Variants in HYDIN observed in about 807,000 individuals in gnomAD.
HYDIN encodes axonemal central pair apparatus protein HYDIN.
HYDIN carries 132 observed loss-of-function variants against 403.9 expected under a neutral mutation model. The ratio of observed to expected loss-of-function variants is 0.33; its 90% CI spans 0.28 to 0.38. The LOEUF is 0.38. HYDIN is among the 10% of genes least tolerant of loss of function. The pLI, the probability that HYDIN is intolerant of heterozygous loss-of-function variation, is 1.00. For synonymous variants in HYDIN, 1,202 were observed against 1,891.7 expected (o/e 0.64, Z 9.46); for missense variants, 2,827 against 5,009.5 (o/e 0.56, Z 13.15).
intron 83 of HYDIN, among the ~76,000 whole-genome samples, chr16:70,822,743 C>A (rs1349852797): frequency 6.6e-6 from 1 of 152,186 alleles, no homozygotes; most frequent in Non-Finnish European, 1.5e-5. Flanking sequence ...CGAGGCAAGA[C>A]CCTCCACCAG....
intron 83 of HYDIN, among the ~76,000 whole-genome samples, chr16:70,822,718 A>ATCAACATCGAG: frequency 6.6e-6 from 1 of 152,266 alleles, no homozygotes; most frequent in South Asian, 2.1e-4. Context: ...CTCATCAGTC[A>ATCAACATCGAG]GCAGCCATCA....
chr16:70,866,177 T>G lies in HYDIN; in HGVS notation c.11463A>C (p.Arg3821=), dbSNP rs374073980. The change falls in exon 67 of 86, where the codon CGA becomes CGC. Residue 3821 remains arginine (R), a synonymous_variant. Transcript: ENST00000393567. The part of the protein sequence containing the change: ...RFKETLVYQT[R]VFEFDVINSG... ...GACTTTTGATGACTCACTCAAACAC[T>G]CGGGTCTGGTAAACCAAGGTTTCCT... 2,649 of 1,599,254 alleles carry G rather than the reference T, an allele frequency of 1.7e-3. 11 individuals carry two copies. Among genetic ancestry groups the G allele is most frequent in the Middle Eastern group, 5.9e-3 (35 of 5,970 alleles).
At chr16:71,042,735 C>G (rs1473688470) in intron 18 of HYDIN, among the ~76,000 whole-genome samples, 1 of 152,184 alleles carries the variant, frequency 6.6e-6, no homozygotes, top group East Asian at 1.9e-4. Context: ...GGCAAATTGC[C>G]TCTCAATACT....
At chr16:70,865,100 G>T (rs1445092885) in intron 67 of HYDIN, 4 of 229,686 alleles carry the variant, frequency 1.7e-5, no homozygotes, top group Non-Finnish European at 3.5e-5. Context: ...GTATGCAGTA[G>T]AAATGTCAGT....
intron 1 of HYDIN, among the ~76,000 whole-genome samples, chr16:71,224,567 T>TC (rs2040947972): frequency 6.9e-6 from 1 of 145,836 alleles, no homozygotes; most frequent in African/African-American, 2.5e-5. Context: ...TTCTTTTTTT[T>TC]TTTTTTTTTT....
chr16:71,014,128 A>G (rs560856298), intron 23 of HYDIN, among the ~76,000 whole-genome samples: 2 of 150,520 alleles, frequency 1.3e-5, no homozygotes, highest in South Asian at 2.1e-4. Context: ...AATGTATTTC[A>G]GGAAGGTGGG....
intron 3 of HYDIN, among the ~76,000 whole-genome samples, chr16:71,181,265 A>G (rs2086892554): frequency 6.6e-6 from 1 of 151,688 alleles, no homozygotes; most frequent in Non-Finnish European, 1.5e-5. Context: ...GGAAATGCAA[A>G]GGACCAAGAA....
rs146837974 is a variant in HYDIN, at chr16:70,981,572, C to A, written c.4333-4G>T. 2.5e-6 allele frequency: 4 copies of A among 1,609,142 alleles called. No homozygotes were observed. Among genetic ancestry groups the A allele is most frequent in the South Asian group, 1.1e-5 (1 of 90,648 alleles). On this transcript the variant is annotated splice_polypyrimidine_tract_variant and splice_region_variant and intron_variant, in intron 28 of 85. Coordinates refer to ENST00000393567, the MANE Select transcript of HYDIN (RefSeq NM_001270974.2). ...CTTGATGTGAACTGATAAAGCCCTA[C>A]GCGGTAGAAAGACCAGAAAAGGGAA...
intron 1 of HYDIN, among the ~76,000 whole-genome samples, chr16:71,204,289 A>G (rs1463245831): frequency 6.6e-6 from 1 of 152,238 alleles, no homozygotes; most frequent in Non-Finnish European, 1.5e-5. Flanking sequence ...AAAAATGCTT[A>G]GAATTCTTTT....
intron 47 of HYDIN, among the ~76,000 whole-genome samples, chr16:70,916,715 C>T (rs996514098): frequency 5.9e-5 from 9 of 152,318 alleles, no homozygotes; most frequent in East Asian, 1.9e-4. Flanking sequence ...ACCCTCCTGC[C>T]CCCTCTCCCA....
rs527271031 is a variant in HYDIN at position 70,850,222 on chromosome 16, C to T, written c.12651+226G>A. 3.6e-4 allele frequency among the ~76,000 whole-genome samples: 52 copies of T among 145,264 alleles called. 1 individual carries two copies. The South Asian group carries it at 0.011, about 30-fold the overall frequency. ...TTCCTGTATGTTTAACACAAGCACTCTTTCTTCTCCCCACCATCTCTCCAC... is the reference window on the plus strand; with the variant it reads ...TTCCTGTATGTTTAACACAAGCACTTTTTCTTCTCCCCACCATCTCTCCAC... On this transcript the variant is annotated intron_variant, in intron 74 of 85. Transcript: ENST00000393567.
At position 70,879,318 on chromosome 16, in the gene HYDIN, G is replaced by A. The variant is rs2040633843; in HGVS notation, c.10536C>T (p.Asn3512=). The A allele has an allele frequency of 7.3e-7, 1 of 1,372,118 alleles. No homozygotes were observed. 85.0% of individuals were successfully genotyped at this position (1,372,118 alleles called of 1,614,324 possible). Residue 3512 remains asparagine, a synonymous_variant, in exon 62 of 86, where the codon AAC becomes AAT. Coordinates refer to ENST00000393567, the MANE Select transcript of HYDIN (RefSeq NM_001270974.2). The part of the protein sequence containing the change: ...HSEKLPLILK[N]NGVLPAQLHV... ...TTACCTGGGCAGGGAGGACACCATT[G>A]TTCTTGAGGATGAGAGGCAGCTTCT... is the stretch of plus-strand genomic sequence containing the variant.
intron 1 of HYDIN, among the ~76,000 whole-genome samples, chr16:71,228,154 A>T (rs2144779817): frequency 6.6e-6 from 1 of 152,200 alleles, no homozygotes; most frequent in Non-Finnish European, 1.5e-5. Context: ...TTATACAAAA[A>T]TTAATTCAAG....
intron 41 of HYDIN, among the ~76,000 whole-genome samples, chr16:70,946,882 T>C (rs367561149): frequency 6.6e-6 from 1 of 152,210 alleles, no homozygotes; most frequent in African/African-American, 2.4e-5. Flanking sequence ...TTTTTGTACA[T>C]TGATTTTGTA....
chr16:70,949,104 G>T (rs75947704), intron 41 of HYDIN, among the ~76,000 whole-genome samples: 5 of 151,986 alleles, frequency 3.3e-5, no homozygotes, highest in East Asian at 1.9e-4. Flanking sequence ...GTGGCACATA[G>T]ACACCATGGA....
At position 71,175,628 on chromosome 16, in the gene HYDIN, G is replaced by A; in HGVS notation, c.495C>T (p.Leu165=). The A allele has an allele frequency of 6.2e-7, 1 of 1,614,188 alleles. No individual in the cohort carries two copies. The change falls in exon 5 of 86, where the codon CTC becomes CTT. Residue 165 remains leucine (L), a synonymous_variant. Coordinates refer to ENST00000393567, the MANE Select transcript of HYDIN (RefSeq NM_001270974.2). ...TTACCTTGTTCTCCTCTGGAGTAAA[G>A]AGGATTCGGAATATGGAAGGCACTC... The part of the protein sequence containing the change: ...APGVPSIFRI[L]FTPEENKDYA...
At chr16:71,168,605 C>G (rs1279310871) in intron 5 of HYDIN, among the ~76,000 whole-genome samples, 1 of 151,846 alleles carries the variant, frequency 6.6e-6, no homozygotes, top group African/African-American at 2.4e-5. Flanking sequence ...ACTCAAATTC[C>G]TAAATTCCTG....
intron 3 of HYDIN, among the ~76,000 whole-genome samples, chr16:71,182,479 TATC>T (rs2086949329): frequency 6.6e-6 from 1 of 152,088 alleles, no homozygotes; most frequent in South Asian, 2.1e-4. Flanking sequence ...TCATAGCACT[TATC>T]ATTGGATCAT....
chr16:70,830,748 A>G (rs1347978751), intron 80 of HYDIN, among the ~76,000 whole-genome samples: 3 of 152,168 alleles, frequency 2.0e-5, no homozygotes, highest in East Asian at 1.9e-4. Flanking sequence ...ATGACACCCA[A>G]TGAGCAGAAT....
Sources: allele counts gnomAD v4.1 joint callset (sites outside exome capture counted in the v4.1 genomes callset), GRCh38; gene constraint gnomAD v4.1.1; transcripts MANE v1.5; gene names NCBI Gene and HGNC (gene_info 2026-07-23, HGNC 2026-07-21).